Variants in NPSR1 observed in about 807,000 individuals in gnomAD.
NPSR1 encodes the protein neuropeptide S receptor 1, also known as neuropeptide S receptor.
Under a neutral mutation model 46.9 loss-of-function variants are expected in NPSR1, and 48 were observed. The ratio of observed to expected loss-of-function variants is 1.02; its 90% CI spans 0.81 to 1.30. The LOEUF (loss-of-function observed/expected upper bound fraction) is 1.30, where lower values mean the gene tolerates loss of function less well. Ranked by LOEUF, NPSR1 falls within the 50% of genes most tolerant of loss-of-function variation. NPSR1 has a pLI of 0.00. For synonymous variants in NPSR1, 176 were observed against 168.1 expected (o/e 1.05, Z -0.36); for missense variants, 450 against 449.5 (o/e 1.00, Z -0.01).
intron 2 of NPSR1, among the ~76,000 whole-genome samples, chr7:34,723,032 T>G (rs1410481810): frequency 6.6e-6 from 1 of 152,126 alleles, no homozygotes; most frequent in Admixed American, 6.5e-5. Context: ...CGAATAAACA[T>G]TTTTAAAGGG....
At chr7:34,847,646 C>A (rs976038794) in intron 7 of NPSR1, among the ~76,000 whole-genome samples, 3 of 152,144 alleles carry the variant, frequency 2.0e-5, no homozygotes. Context: ...CAGAGTGAAT[C>A]TTCTCTTACT....
intron 3 of NPSR1, among the ~76,000 whole-genome samples, chr7:34,784,630 T>C (rs926707147): frequency 7.4e-5 from 11 of 149,070 alleles, no homozygotes; most frequent in Non-Finnish European, 1.2e-4. Flanking sequence ...ATCAAGGATA[T>C]TGGTCTAAAA....
intron 8 of NPSR1, among the ~76,000 whole-genome samples, chr7:34,871,256 C>T (rs1450852745): frequency 6.6e-6 from 1 of 151,368 alleles, no homozygotes; most frequent in African/African-American, 2.5e-5. Flanking sequence ...ACCACACTCT[C>T]TTAAACAACC....
intron 2 of NPSR1, among the ~76,000 whole-genome samples, chr7:34,721,335 G>A (rs936176576): frequency 5.9e-5 from 9 of 152,206 alleles, no homozygotes; most frequent in African/African-American, 1.4e-4. Flanking sequence ...AAGAGAAACC[G>A]GAATAAATGG....
chr7:34,730,316 C>T (rs1412927985), intron 2 of NPSR1, among the ~76,000 whole-genome samples: 6 of 152,140 alleles, frequency 3.9e-5, no homozygotes, highest in Admixed American at 2.0e-4. Flanking sequence ...CTTTTCTGAA[C>T]ACACTTAACT....
chr7:34,847,405 AG>A (rs201595075), intron 7 of NPSR1, among the ~76,000 whole-genome samples: 1,875 of 151,248 alleles, frequency 0.012, 18 homozygotes, highest in Non-Finnish European at 0.02. Flanking sequence ...GGAAAATGAG[AG>A]AGAGAGAGAG....
In NPSR1 at chr7:34,684,610, T is replaced by C. The variant is rs777879974; in HGVS notation, c.206T>C (p.Val69Ala). Residue 69 changes from valine to alanine, a missense_variant, in exon 2 of 9, where the codon GTT (valine) becomes GCT (alanine). Val to Ala is a moderately conservative substitution (Grantham distance 64). Coordinates refer to ENST00000360581, the MANE Select transcript of NPSR1 (RefSeq NM_207172.2). ...LFVFTIVGNS[V>A]VLFSTWRRKK... ...GTTTTTACCATTGTTGGAAACTCCG[T>C]TGTGCTTTTTTCCACATGGAGGAGA... 13 of 1,613,854 alleles carry C rather than the reference T, an allele frequency of 8.1e-6. No homozygotes were observed. The highest frequency in any genetic ancestry group is 3.3e-5 in the Admixed American group (2 of 59,994).
chr7:34,794,135 C>G lies in NPSR1; in HGVS notation c.384+15570C>G, dbSNP rs140653485. On this transcript the variant is annotated intron_variant, in intron 3 of 8. Coordinates refer to ENST00000360581, the MANE Select transcript of NPSR1 (RefSeq NM_207172.2). ...ACAATGTTAAAGTTAAATAGAGGAA[C>G]GGGTTCTAGTGTTCTATTGCACATC... Among the ~76,000 whole-genome samples the G allele has an allele frequency of 8.6e-5, 13 of 152,022 alleles. No homozygotes were observed. The South Asian group carries it at 2.7e-3, about 32-fold the overall frequency.
intron 3 of NPSR1, among the ~76,000 whole-genome samples, chr7:34,792,916 A>G (rs1788004546): frequency 6.6e-6 from 1 of 150,666 alleles, no homozygotes; most frequent in Admixed American, 6.7e-5. Flanking sequence ...GGCTGTGTGC[A>G]GTGGCTCATG....
intron 8 of NPSR1, among the ~76,000 whole-genome samples, chr7:34,862,650 C>G (rs2128768237): frequency 6.6e-6 from 1 of 151,866 alleles, no homozygotes; most frequent in South Asian, 2.1e-4. Context: ...CCAGGGAGCT[C>G]TGATGTGGGT....
chr7:34,675,321 T>C (rs1792262117), intron 1 of NPSR1, among the ~76,000 whole-genome samples: 1 of 152,228 alleles, frequency 6.6e-6, no homozygotes, highest in African/African-American at 2.4e-5. Context: ...TTTCACCCTA[T>C]AATTGTTAAA....
chr7:34,677,731 A>T (rs1317148623), intron 1 of NPSR1, among the ~76,000 whole-genome samples: 1 of 152,214 alleles, frequency 6.6e-6, no homozygotes, highest in African/African-American at 2.4e-5. Flanking sequence ...GACCAGCCCC[A>T]GGGGATTCCA....
intron 2 of NPSR1, among the ~76,000 whole-genome samples, chr7:34,685,497 T>C (rs575013140): frequency 2.6e-4 from 37 of 143,724 alleles, no homozygotes; most frequent in Non-Finnish European, 4.9e-4. Context: ...GATCAGACTA[T>C]AGAAAAAAAA....
chr7:34,857,185 A>T (rs1389737535), intron 8 of NPSR1, among the ~76,000 whole-genome samples: 2 of 151,796 alleles, frequency 1.3e-5, no homozygotes, highest in Admixed American at 6.5e-5. Flanking sequence ...GAATATCCTA[A>T]GATAATCAAT....
chr7:34,751,947 T>A (rs1785558997), intron 2 of NPSR1: 13 of 1,194,696 alleles, frequency 1.1e-5, no homozygotes, highest in Non-Finnish European at 1.6e-5. Flanking sequence ...CAACTGGAAG[T>A]GGGGGTGACG....
In NPSR1 at chr7:34,791,062, A is replaced by ATGT. The variant is rs1562730744; in HGVS notation, c.384+12498_384+12499insGTT. Among the ~76,000 whole-genome samples, 15 of 107,674 alleles carry ATGT rather than the reference A, an allele frequency of 1.4e-4. 1 individual carries two copies. The highest frequency in any genetic ancestry group is 6.1e-4 in the African/African-American group (15 of 24,514). 70.6% of individuals were successfully genotyped at this position (107,674 alleles called of 152,430 possible). On this transcript the variant is annotated intron_variant, in intron 3 of 8. Coordinates refer to ENST00000360581, the MANE Select transcript of NPSR1 (RefSeq NM_207172.2). Reference sequence around the variant, plus strand: ...TTATATTATATATGTTATATGTTATATATTATATTATATATGTTATATGTT... The same window carrying ATGT: ...TTATATTATATATGTTATATGTTATATGTTATTATATTATATATGTTATATGTT...
intron 3 of NPSR1, among the ~76,000 whole-genome samples, chr7:34,798,512 G>A (rs1788301485): frequency 6.6e-6 from 1 of 152,160 alleles, no homozygotes; most frequent in Admixed American, 6.6e-5. Context: ...TCCAGCCTGG[G>A]TGACAGAGTG....
At chr7:34,834,641 C>A (rs1435349279) in intron 6 of NPSR1, among the ~76,000 whole-genome samples, 181 bp downstream of exon 6, 1 of 152,186 alleles carries the variant, frequency 6.6e-6, no homozygotes, top group Non-Finnish European at 1.5e-5. Flanking sequence ...CCCCATGTGA[C>A]CTCCCTGAAA....
At chr7:34,773,072 C>T in intron 2 of NPSR1, among the ~76,000 whole-genome samples, 1 of 152,144 alleles carries the variant, frequency 6.6e-6, no homozygotes, top group Non-Finnish European at 1.5e-5. Context: ...TGAAGAAGTG[C>T]AAAGCCCGTT....
Sources: allele counts gnomAD v4.1 joint callset (sites outside exome capture counted in the v4.1 genomes callset), GRCh38; gene constraint gnomAD v4.1.1; transcripts MANE v1.5; gene names NCBI Gene and HGNC (gene_info 2026-07-23, HGNC 2026-07-21).